Variants in AP3B2 observed in about 807,000 individuals in gnomAD.
AP3B2 encodes the protein adaptor related protein complex 3 subunit beta 2.
A neutral mutation model predicts 126.9 loss-of-function variants in AP3B2; 50 were observed. The ratio of observed to expected loss-of-function variants is 0.39; its 90% confidence interval spans 0.31 to 0.50. The LOEUF (loss-of-function observed/expected upper bound fraction) is 0.50. AP3B2 is among the 20% of genes least tolerant of loss of function. AP3B2 has a pLI of 0.79. For synonymous variants in AP3B2, 541 were observed against 565.0 expected (o/e 0.96, Z 0.60); for missense variants, 1,177 against 1,426.4 (o/e 0.83, Z 2.82).
At chr15:82,672,754 A>G (rs981134398) in intron 14 of AP3B2, among the ~76,000 whole-genome samples, 1 of 152,252 alleles carries the variant, frequency 6.6e-6, no homozygotes, top group African/African-American at 2.4e-5. Flanking sequence ...ACCCATAAAA[A>G]TTAAAAAATA....
Position 82,662,793 on chromosome 15 carries a change from T to A in AP3B2, c.2734A>T (p.Ile912Phe). 1 of 1,613,816 alleles carries A rather than the reference T, an allele frequency of 6.2e-7. No homozygotes were observed. The highest frequency in any genetic ancestry group is 8.5e-7 in the Non-Finnish European group (1 of 1,179,814). ...SGDPHMVSVH[I>F]HFSNSSDTPI... ...GTATCAGAGCTGTTGGAGAAGTGGA[T>A]GTGCACGGACACCATGTGGGGATCC... Residue 912 changes from isoleucine (I) to phenylalanine (F), a missense_variant, in exon 23 of 27, where the codon ATC (isoleucine) becomes TTC (phenylalanine). This residue lies in a region of AP3B2 where 587 missense variants were observed against 571.3 expected (regional missense o/e 1.03). Coordinates refer to ENST00000535359, the MANE Select transcript of AP3B2 (RefSeq NM_001278512.2).
chr15:82,668,001 G>A (rs927861231), intron 14 of AP3B2, among the ~76,000 whole-genome samples: 3 of 152,178 alleles, frequency 2.0e-5, no homozygotes, highest in African/African-American at 7.2e-5. Flanking sequence ...GAGGGAGCCT[G>A]GAACTGACTC....
chr15:82,659,779 C>G, intron 26 of AP3B2, 66 bp downstream of exon 26: 5 of 1,609,186 alleles, frequency 3.1e-6, no homozygotes, highest in Non-Finnish European at 4.3e-6. Flanking sequence ...GGATCAGCAG[C>G]TGGGGCTCCT....
intron 14 of AP3B2, among the ~76,000 whole-genome samples, chr15:82,670,100 C>CT (rs1205984035): frequency 0.22 from 13,723 of 62,420 alleles, 3,189 homozygotes; most frequent in Non-Finnish European, 0.31. Flanking sequence ...AAATCAGTGG[C>CT]TTTTTTTTTT....
Position 82,680,140 on chromosome 15 carries a change from C to T in AP3B2, c.1110+35G>A. On this transcript the variant is annotated intron_variant, in intron 9 of 26. Transcript: ENST00000535359. This position sits in a 1 kb window ranked among gnomAD's most constrained non-coding sequence, Gnocchi z 6.1. ...CTCCAGTGCCCGCAGAAGCGGCCCT[C>T]GGACAGCGAGGACAGCCCGCCGTCG... The T allele has an allele frequency of 4.3e-6, 7 of 1,611,976 alleles. No individual in the cohort carries two copies. The highest frequency in any genetic ancestry group is 4.0e-5 in the African/African-American group (3 of 75,054).
At chr15:82,669,117 A>G (rs774477344) in intron 14 of AP3B2, among the ~76,000 whole-genome samples, 1 of 152,198 alleles carries the variant, frequency 6.6e-6, no homozygotes, top group Non-Finnish European at 1.5e-5. Flanking sequence ...GGTATGGGCA[A>G]AACCTGAGAC....
At position 82,665,656 on chromosome 15, in the gene AP3B2, G is replaced by T; in HGVS notation, c.1853-81C>A. ...GCTGTTTTCCAGGTGGGGCTGGGTGGTGATTCTGGTTGGGACTTCCCAGGT... is the reference window on the plus strand; with the variant it reads ...GCTGTTTTCCAGGTGGGGCTGGGTGTTGATTCTGGTTGGGACTTCCCAGGT... On this transcript the variant is annotated intron_variant, in intron 15 of 26. Coordinates refer to ENST00000535359, the MANE Select transcript of AP3B2 (RefSeq NM_001278512.2). The surrounding 1 kb of genome is among the most constrained non-coding windows in gnomAD (Gnocchi z 4.4). The T allele has an allele frequency of 8.4e-7, 1 of 1,185,142 alleles. No homozygotes were observed. The allele number at this position is 1,185,142 out of a possible 1,614,324, so 73.4% of individuals were successfully genotyped here.
intron 1 of AP3B2, among the ~76,000 whole-genome samples, chr15:82,704,615 G>A (rs1447429370): frequency 1.3e-5 from 2 of 152,242 alleles, no homozygotes; most frequent in African/African-American, 2.4e-5. Context: ...GAACCCCACT[G>A]GAAATCGGAC....
At chr15:82,662,968 G>T (rs1294754507) in intron 22 of AP3B2, 46 bp from the exon 23 acceptor site, 1 of 1,580,004 alleles carries the variant, frequency 6.3e-7, no homozygotes, top group South Asian at 1.1e-5. Flanking sequence ...AAGATGGAGA[G>T]AGCCTGTCCC....
chr15:82,683,134 C>T (rs979343808), intron 4 of AP3B2, among the ~76,000 whole-genome samples: 9 of 139,384 alleles, frequency 6.5e-5, no homozygotes, highest in Non-Finnish European at 3.0e-5. Flanking sequence ...TCTCGGGTCA[C>T]TGCAAGCTCC....
At chr15:82,668,882 C>T (rs982379624) in intron 14 of AP3B2, among the ~76,000 whole-genome samples, 2 of 152,268 alleles carry the variant, frequency 1.3e-5, no homozygotes, top group African/African-American at 4.8e-5. Context: ...GCAGGAAACA[C>T]TGACTTCCTT....
chr15:82,703,246 G>A (rs2048747199), intron 1 of AP3B2, among the ~76,000 whole-genome samples: 1 of 151,938 alleles, frequency 6.6e-6, no homozygotes, highest in Non-Finnish European at 1.5e-5. Flanking sequence ...ACCACTTTTT[G>A]GGGGGCAAGT....
intron 4 of AP3B2, among the ~76,000 whole-genome samples, chr15:82,682,212 C>G (rs978037459): frequency 6.6e-6 from 1 of 151,868 alleles, no homozygotes; most frequent in South Asian, 2.1e-4. Flanking sequence ...CCACCACACC[C>G]AGCTAATTTT....
chr15:82,680,389 G>A lies in AP3B2; in HGVS notation c.1055+83C>T. The A allele has an allele frequency of 6.9e-7, 1 of 1,453,664 alleles. No individual in the cohort carries two copies. The highest frequency in any genetic ancestry group is 9.1e-7 in the Non-Finnish European group (1 of 1,096,680). 90.0% of individuals were successfully genotyped at this position (1,453,664 alleles called of 1,614,324 possible). The stretch of plus-strand genomic sequence containing the variant: ...GGGTGGGCAGAGGTGGAAGCGGCTG[G>A]TGGGCGTGAGGGGGCGGAGCCGGGC... On this transcript the variant is annotated intron_variant, in intron 8 of 26. Transcript: ENST00000535359. This position sits in a 1 kb window ranked among gnomAD's most constrained non-coding sequence, Gnocchi z 6.1.
intron 10 of AP3B2, 104 bp downstream of exon 10, chr15:82,679,625 G>A (rs1246523001): frequency 9.2e-7 from 1 of 1,091,952 alleles, no homozygotes; most frequent in Non-Finnish European, 1.4e-6. Flanking sequence ...CCTGGGCTCA[G>A]CCCCAGGAAT....
intron 3 of AP3B2, 163 bp downstream of exon 3, chr15:82,688,995 C>A: frequency 9.9e-7 from 1 of 1,013,632 alleles, no homozygotes; most frequent in Non-Finnish European, 1.5e-6. Flanking sequence ...TACCTTGATC[C>A]ACATCCAGTT....
chr15:82,660,297 G>C (rs2047918335), intron 25 of AP3B2, among the ~76,000 whole-genome samples: 1 of 152,052 alleles, frequency 6.6e-6, no homozygotes, highest in Non-Finnish European at 1.5e-5. Context: ...CAGTTCTTAA[G>C]AGGTTCGCCC....
At chr15:82,689,272 G>A (rs766541861) in intron 2 of AP3B2, 40 bp from the exon 3 acceptor site, 10 of 1,612,716 alleles carry the variant, frequency 6.2e-6, no homozygotes, top group South Asian at 4.4e-5. Context: ...GGGACAAAGC[G>A]AGAGGCACAG....
rs761044669 is a variant in AP3B2 at position 82,660,009 on chromosome 15, C to T, written c.3017-26G>A. On this transcript the variant is annotated intron_variant, in intron 25 of 26. Transcript: ENST00000535359. ...CTGGGGGTAGAGGTCGTGATGAGGG[C>T]AGAGGCCATGGTGGGTACAGAGGCC... is the stretch of plus-strand genomic sequence containing the variant. 4 of 1,612,044 alleles carry T rather than the reference C, an allele frequency of 2.5e-6. No homozygotes were observed. The South Asian group carries it at 4.4e-5, about 18-fold the overall frequency.
Sources: allele counts gnomAD v4.1 joint callset (sites outside exome capture counted in the v4.1 genomes callset), GRCh38; gene constraint gnomAD v4.1.1; regional missense constraint gnomAD v4.1.1; non-coding constraint Gnocchi (gnomAD v3.1); transcripts MANE v1.5; gene names NCBI Gene and HGNC (gene_info 2026-07-23, HGNC 2026-07-21).